Variants in ZNF536 observed in about 807,000 individuals in gnomAD.
ZNF536 encodes zinc finger protein 536.
ZNF536 carries 13 observed loss-of-function variants against 84.5 expected under a neutral mutation model. The ratio of observed to expected loss-of-function variants is 0.15; its 90% CI spans 0.10 to 0.24. The LOEUF (loss-of-function observed/expected upper bound fraction) is 0.24, where lower values mean the gene tolerates loss of function less well. Among genes scored for constraint, ZNF536 ranks in the 10% least tolerant of loss-of-function variants. The pLI, the probability that ZNF536 is intolerant of heterozygous loss-of-function variation, is 1.00. For synonymous variants in ZNF536, 811 were observed against 742.5 expected (o/e 1.09, Z -1.50); for missense variants, 1,536 against 1,747.5 (o/e 0.88, Z 2.16).
chr19:30,308,012 T>G (rs898654033), intron 2 of ZNF536, among the ~76,000 whole-genome samples: 1 of 152,262 alleles, frequency 6.6e-6, no homozygotes, highest in Admixed American at 6.5e-5. Context: ...ATCATTCTTT[T>G]CTGGAACAGA....
chr19:30,403,347 A>G (rs1486652978), intron 1 of ZNF536, among the ~76,000 whole-genome samples: 1 of 152,202 alleles, frequency 6.6e-6, no homozygotes, highest in Non-Finnish European at 1.5e-5. Context: ...TTGAAAATCT[A>G]AACTCTTTCC....
At chr19:30,288,034 T>C (rs1056195268) in intron 2 of ZNF536, among the ~76,000 whole-genome samples, 5 of 152,220 alleles carry the variant, frequency 3.3e-5, no homozygotes, top group African/African-American at 1.2e-4. Flanking sequence ...TGTTTTAAAA[T>C]GGAAAAACTA....
intron 3 of ZNF536, among the ~76,000 whole-genome samples, chr19:30,365,371 C>T (rs112234990): frequency 1.1e-4 from 17 of 152,168 alleles, no homozygotes; most frequent in Non-Finnish European, 2.1e-4. Flanking sequence ...CTCTTCCTCC[C>T]CCTCTCTCTC....
intron 1 of ZNF536, among the ~76,000 whole-genome samples, chr19:30,656,678 T>C (rs531195298): frequency 1.3e-5 from 2 of 152,248 alleles, no homozygotes; most frequent in African/African-American, 4.8e-5. Flanking sequence ...CTACTTTGGC[T>C]GTGTCCCTGG....
At chr19:30,594,016 T>A (rs1231396830) in intron 1 of ZNF536, among the ~76,000 whole-genome samples, 1 of 152,176 alleles carries the variant, frequency 6.6e-6, no homozygotes, top group East Asian at 1.9e-4. Flanking sequence ...CTTAGTCTCA[T>A]CCTCTCTATG....
At chr19:30,399,019 T>A (rs1489681266) in intron 1 of ZNF536, among the ~76,000 whole-genome samples, 1 of 152,226 alleles carries the variant, frequency 6.6e-6, no homozygotes, top group Non-Finnish European at 1.5e-5. Flanking sequence ...TTGAACTAAT[T>A]TACACTCCCA....
chr19:30,584,430 G>C (rs184767630), intron 1 of ZNF536, among the ~76,000 whole-genome samples: 1 of 152,204 alleles, frequency 6.6e-6, no homozygotes, highest in Non-Finnish European at 1.5e-5. Flanking sequence ...TGGCTCCCCC[G>C]ATGGCCCTGC....
intron 2 of ZNF536, among the ~76,000 whole-genome samples, chr19:30,310,599 G>A (rs1373414327): frequency 6.6e-6 from 1 of 152,214 alleles, no homozygotes; most frequent in African/African-American, 2.4e-5. Context: ...GAAAAGTGGG[G>A]AGAAAGGAGA....
intron 2 of ZNF536, among the ~76,000 whole-genome samples, chr19:30,497,192 G>A (rs534875137): frequency 1.1e-4 from 17 of 152,236 alleles, no homozygotes; most frequent in African/African-American, 3.1e-4. Context: ...TAAGGGCCCC[G>A]TGAGCGGCTT....
chr19:30,497,523 A>G (rs1278471588), intron 2 of ZNF536, among the ~76,000 whole-genome samples: 2 of 152,140 alleles, frequency 1.3e-5, no homozygotes, highest in African/African-American at 4.8e-5. Context: ...AGGCACTCCA[A>G]TGTGACATGC....
At chr19:30,265,881 C>CTCTTT (rs3085731) in intron 1 of ZNF536, among the ~76,000 whole-genome samples, 41,111 of 151,280 alleles carry the variant, frequency 0.27, 5,918 homozygotes, top group Middle Eastern at 0.35. Context: ...GTTTTTGTTT[C>CTCTTT]TCTTTTCTTT....
chr19:30,694,803 T>C (rs1027114072), intron 1 of ZNF536, among the ~76,000 whole-genome samples: 3 of 152,108 alleles, frequency 2.0e-5, no homozygotes, highest in Admixed American at 2.0e-4. Flanking sequence ...TTGGCCCCCA[T>C]GGGGGAGGCC....
chr19:30,535,369 T>G (rs536059824), intron 3 of ZNF536, among the ~76,000 whole-genome samples: 74 of 152,272 alleles, frequency 4.9e-4, no homozygotes, highest in South Asian at 4.4e-3. Context: ...TGATGGGGTC[T>G]CAGCTCAAAC....
At chr19:30,303,141 A>G (rs182684852) in intron 2 of ZNF536, among the ~76,000 whole-genome samples, 2 of 152,250 alleles carry the variant, frequency 1.3e-5, no homozygotes, top group Admixed American at 1.3e-4. Context: ...TAGATGGGTG[A>G]TGGGTTTCTG....
At chr19:30,632,670 C>G (rs750352308) in intron 1 of ZNF536, among the ~76,000 whole-genome samples, 3 of 151,730 alleles carry the variant, frequency 2.0e-5, no homozygotes, top group Non-Finnish European at 4.4e-5. Flanking sequence ...AACCAACCAA[C>G]CAACCAACCA....
intron 1 of ZNF536, among the ~76,000 whole-genome samples, chr19:30,598,547 TA>T (rs1331453874): frequency 1.3e-5 from 2 of 152,144 alleles, no homozygotes; most frequent in African/African-American, 2.4e-5. Flanking sequence ...AAGACAAAAT[TA>T]AAGCAAAACA....
chr19:30,630,686 G>T (rs1246511511), intron 1 of ZNF536, among the ~76,000 whole-genome samples: 3 of 152,166 alleles, frequency 2.0e-5, no homozygotes, highest in Non-Finnish European at 4.4e-5. Flanking sequence ...TCCTATCTTA[G>T]GGGCTGCGAC....
intron 1 of ZNF536, among the ~76,000 whole-genome samples, chr19:30,676,462 T>G (rs1006716731): frequency 6.6e-6 from 1 of 152,250 alleles, no homozygotes; most frequent in Non-Finnish European, 1.5e-5. Flanking sequence ...AGAACATATC[T>G]GTATTTGCAA....
chr19:30,511,230 A>G (rs2055402118), intron 2 of ZNF536, among the ~76,000 whole-genome samples: 1 of 152,056 alleles, frequency 6.6e-6, no homozygotes, highest in Admixed American at 6.6e-5. Flanking sequence ...CCTGCTCAAG[A>G]ACTCTTTTCT....
Sources: gnomAD v4.1 joint callset for allele counts (sites outside exome capture counted in the v4.1 genomes callset) on GRCh38, gnomAD v4.1.1 for gene constraint, MANE v1.5 for transcripts, NCBI Gene and HGNC (gene_info 2026-07-23, HGNC 2026-07-21) for gene names.